TRAK1: variants seen among roughly 807,000 people sequenced by gnomAD.
The protein encoded by TRAK1 is trafficking kinesin protein 1, also known as trafficking kinesin-binding protein 1.
A neutral mutation model predicts 92.1 loss-of-function variants in TRAK1; 33 were observed. That is an observed-to-expected ratio of 0.36 (90% CI 0.27 to 0.48). The LOEUF is 0.48. Among genes scored for constraint, TRAK1 ranks in the 20% least tolerant of loss-of-function variants. The probability of loss-of-function intolerance (pLI) is 0.99; values close to 1 mark genes in which losing one functional copy is unlikely to be tolerated. For missense variants in TRAK1, 1,123 were observed against 1,257.9 expected, an observed-to-expected ratio of 0.89 and a Z score of 1.62; for synonymous variants, 521 against 517.3, an observed-to-expected ratio of 1.01 and a Z score of -0.10.
intron 1 of TRAK1, among the ~76,000 whole-genome samples, chr3:42,033,585 C>CTCAGTCAA (rs148452943): frequency 6.6e-6 from 1 of 151,480 alleles, no homozygotes; most frequent in Non-Finnish European, 1.5e-5. Flanking sequence ...AAGACCCTGT[C>CTCAGTCAA]TCAATCAATC....
At chr3:42,100,625 A>G (rs1706613168) in intron 1 of TRAK1, among the ~76,000 whole-genome samples, 1 of 152,194 alleles carries the variant, frequency 6.6e-6, no homozygotes, top group African/African-American at 2.4e-5. Flanking sequence ...ATTCCCATGT[A>G]GTGAACTTTA....
intron 1 of TRAK1, among the ~76,000 whole-genome samples, chr3:42,102,270 G>A (rs944710951): frequency 6.6e-6 from 1 of 152,244 alleles, no homozygotes. Flanking sequence ...ATAGGCGTAA[G>A]CCACCGCGCC....
intron 1 of TRAK1, among the ~76,000 whole-genome samples, chr3:42,054,399 G>C (rs905793523): frequency 7.2e-5 from 11 of 152,270 alleles, no homozygotes; most frequent in Admixed American, 3.9e-4. Flanking sequence ...TGAGAGCCTT[G>C]CAAGCCAGAA....
At chr3:42,085,334 CTTTTTATAT>C (rs1160068366), upstream of TRAK1, among the ~76,000 whole-genome samples, 4 of 152,152 alleles carry the variant, frequency 2.6e-5, no homozygotes, top group East Asian at 5.8e-4. Flanking sequence ...TGCCCAGCTA[CTTTTTATAT>C]TTTTTAGCAG....
At chr3:42,117,673 C>T (rs980103398) in intron 1 of TRAK1, among the ~76,000 whole-genome samples, 4 of 152,120 alleles carry the variant, frequency 2.6e-5, no homozygotes, top group Admixed American at 1.3e-4. Context: ...CGTGCAGGCA[C>T]GAGGCCCAGA....
intron 1 of TRAK1, among the ~76,000 whole-genome samples, chr3:42,018,249 C>G (rs1191130743): frequency 2.3e-5 from 3 of 130,640 alleles, no homozygotes; most frequent in Non-Finnish European, 4.9e-5. Flanking sequence ...GCCTAGGTGA[C>G]AGAGCGAGAC....
At chr3:42,208,461 C>T (rs1186568182) in intron 13 of TRAK1, among the ~76,000 whole-genome samples, 6 of 152,182 alleles carry the variant, frequency 3.9e-5, no homozygotes, top group Admixed American at 3.9e-4. Flanking sequence ...TCCCTCACCC[C>T]ACCGCCTCCC....
intron 2 of TRAK1, among the ~76,000 whole-genome samples, chr3:42,127,900 C>T (rs114149261): frequency 0.074 from 11,240 of 152,112 alleles, 466 homozygotes; most frequent in Middle Eastern, 0.15. Flanking sequence ...GACTTGAGGC[C>T]GGGCGTGGTG....
intron 15 of TRAK1, among the ~76,000 whole-genome samples, chr3:42,221,431 T>C (rs1178526582): frequency 6.6e-6 from 1 of 152,174 alleles, no homozygotes; most frequent in Non-Finnish European, 1.5e-5. Flanking sequence ...GTCACCTGAA[T>C]GTGGGGCCAG....
chr3:42,153,901 G>C (rs1464229718), intron 2 of TRAK1, among the ~76,000 whole-genome samples: 1 of 152,128 alleles, frequency 6.6e-6, no homozygotes, highest in South Asian at 2.1e-4. Context: ...TGATGCGCCC[G>C]TGAAGGTAGA....
At chr3:42,081,432 A>G (rs1222211581) in intron 1 of TRAK1, among the ~76,000 whole-genome samples, 1 of 152,218 alleles carries the variant, frequency 6.6e-6, no homozygotes, top group Non-Finnish European at 1.5e-5. Flanking sequence ...ATTTGCACCA[A>G]ACCCCTTCTT....
At chr3:42,207,364 A>G (rs997544938) in intron 13 of TRAK1, among the ~76,000 whole-genome samples, 2 of 152,182 alleles carry the variant, frequency 1.3e-5, no homozygotes, top group Admixed American at 6.5e-5. Flanking sequence ...CTGGACACCC[A>G]TCTGGAAATT....
At chr3:42,122,502 G>A (rs1045020789) in intron 1 of TRAK1, among the ~76,000 whole-genome samples, 1 of 152,176 alleles carries the variant, frequency 6.6e-6, no homozygotes, top group Non-Finnish European at 1.5e-5. Context: ...TGGAGCTGCT[G>A]TGGAGACAGT....
At chr3:42,116,467 C>T (rs183573102) in intron 1 of TRAK1, among the ~76,000 whole-genome samples, 25 of 152,370 alleles carry the variant, frequency 1.6e-4, no homozygotes, top group African/African-American at 6.0e-4. Flanking sequence ...TCAGATACCA[C>T]TTACAAAGTA....
chr3:42,104,514 G>A (rs929909642), intron 1 of TRAK1, among the ~76,000 whole-genome samples: 2 of 152,120 alleles, frequency 1.3e-5, no homozygotes, highest in Admixed American at 1.3e-4. Flanking sequence ...GGAAGGATCA[G>A]GCAGCAACGT....
At chr3:42,149,369 T>G (rs1317075191) in intron 2 of TRAK1, 1 of 1,439,050 alleles carries the variant, frequency 6.9e-7, no homozygotes, top group Admixed American at 2.8e-5. Context: ...ATTGCCCACT[T>G]TACTGTTTTG....
chr3:42,147,852 T>G (rs757183765), intron 2 of TRAK1, among the ~76,000 whole-genome samples: 4 of 152,168 alleles, frequency 2.6e-5, no homozygotes, highest in Non-Finnish European at 5.9e-5. Context: ...TTTGAGGACC[T>G]CACAACACAA....
intron 14 of TRAK1, chr3:42,211,672 A>T: frequency 9.1e-6 from 9 of 985,326 alleles, no homozygotes; most frequent in Non-Finnish European, 1.1e-5. Context: ...TAGAAGTTGT[A>T]CAGAAGGACT....
chr3:42,134,578 CTTTTTTTT>C (rs547455969), intron 2 of TRAK1, among the ~76,000 whole-genome samples: 27 of 76,454 alleles, frequency 3.5e-4, no homozygotes, highest in East Asian at 1.4e-3. Flanking sequence ...TGCCTGGTCT[CTTTTTTTT>C]TTTTTTTTTT....
Sources: allele counts gnomAD v4.1 joint callset (sites outside exome capture counted in the v4.1 genomes callset), GRCh38; gene constraint gnomAD v4.1.1; transcripts MANE v1.5; gene names NCBI Gene and HGNC (gene_info 2026-07-23, HGNC 2026-07-21).